Variants in ANTXR1 observed in about 807,000 individuals in gnomAD.
ANTXR1 encodes anthrax toxin receptor 1.
Under a neutral mutation model 78.1 loss-of-function variants are expected in ANTXR1, and 19 were observed. The ratio of observed to expected loss-of-function variants is 0.24; its 90% CI spans 0.17 to 0.36. The LOEUF (loss-of-function observed/expected upper bound fraction) is 0.36. Among genes scored for constraint, ANTXR1 ranks in the 10% least tolerant of loss-of-function variants. The pLI, the probability that ANTXR1 is intolerant of heterozygous loss-of-function variation, is 1.00. For synonymous variants in ANTXR1, 273 were observed against 260.5 expected (o/e 1.05, Z -0.46); for missense variants, 518 against 718.6 (o/e 0.72, Z 3.19).
intron 8 of ANTXR1, among the ~76,000 whole-genome samples, chr2:69,084,563 T>A (rs912238457): frequency 2.6e-5 from 4 of 151,850 alleles, no homozygotes; most frequent in African/African-American, 9.7e-5. Context: ...AATACGTGTG[T>A]ATAATATTCC....
At chr2:69,095,476 G>T (rs117153224) in intron 9 of ANTXR1, among the ~76,000 whole-genome samples, 1 of 152,222 alleles carries the variant, frequency 6.6e-6, no homozygotes, top group Non-Finnish European at 1.5e-5. Context: ...ATGCCTGTGC[G>T]ATGAGGAAAT....
chr2:69,193,462 CAT>C lies in ANTXR1; in HGVS notation c.1434+49_1434+50del, dbSNP rs551544487. ...ATGGTGTCTCTCTCTCTCTCTCTCA[CAT>C]ACACACACACACACACACACACACA... On this transcript the variant is annotated intron_variant, in intron 17 of 17. Coordinates refer to ENST00000303714, the MANE Select transcript of ANTXR1 (RefSeq NM_032208.3). 3.1e-3 allele frequency: 3,628 copies of C among 1,167,924 alleles called. 66 individuals are homozygous for C. The African/African-American group carries it at 0.046, about 15-fold the overall frequency. 72.3% of individuals were successfully genotyped at this position (1,167,924 alleles called of 1,614,324 possible). A position where few individuals can be genotyped will look rare whatever the true frequency, so the allele number is the denominator to read the frequency against.
chr2:69,013,339 C>G lies in ANTXR1; in HGVS notation c.-161C>G. The stretch of plus-strand genomic sequence containing the variant: ...ATCGGAGCGGAAACCAGAGGGGAAA[C>G]CTTGAACTCCTCCAGACAATTGCTT... On this transcript the variant is annotated 5_prime_UTR_variant, in exon 1 of 18. Transcript: ENST00000303714. The surrounding 1 kb of genome is among the most constrained non-coding windows in gnomAD (Gnocchi z 5.0). 2.0e-6 allele frequency: 2 copies of G among 981,720 alleles called. No homozygotes were observed. The highest frequency in any genetic ancestry group is 1.6e-5 in the African/African-American group (1 of 62,540). The allele number at this position is 981,720 out of a possible 1,614,324, so 60.8% of individuals were successfully genotyped here. A position where few individuals can be genotyped will look rare whatever the true frequency, so the allele number is the denominator to read the frequency against.
At chr2:69,172,309 G>A (rs527889318) in intron 14 of ANTXR1, 106 of 1,428,130 alleles carry the variant, frequency 7.4e-5, no homozygotes, top group Middle Eastern at 1.7e-4. Context: ...TTGCCTTAGC[G>A]TGTGTGTTGG....
chr2:69,016,635 C>T (rs767148609), intron 1 of ANTXR1, among the ~76,000 whole-genome samples: 13 of 152,280 alleles, frequency 8.5e-5, no homozygotes, highest in Middle Eastern at 3.4e-3. Context: ...ACGTCATCTG[C>T]GTTATGATTC....
At chr2:69,171,416 A>G (rs185793546) in intron 14 of ANTXR1, among the ~76,000 whole-genome samples, 5 of 152,366 alleles carry the variant, frequency 3.3e-5, no homozygotes, top group Non-Finnish European at 7.3e-5. Flanking sequence ...CCTTCAAGAG[A>G]AAGTACCGTG....
At chr2:69,104,689 G>C (rs1274507557) in intron 10 of ANTXR1, among the ~76,000 whole-genome samples, 1 of 152,138 alleles carries the variant, frequency 6.6e-6, no homozygotes, top group Non-Finnish European at 1.5e-5. Context: ...AAACAAGCAG[G>C]CTTTCAGGCC....
intron 17 of ANTXR1, among the ~76,000 whole-genome samples, chr2:69,231,384 C>G (rs575078656): frequency 2.0e-4 from 30 of 151,522 alleles, no homozygotes; most frequent in Non-Finnish European, 3.8e-4. Flanking sequence ...AAGCACAGAT[C>G]GGGATCCTTC....
At chr2:69,015,981 T>C (rs561691334) in intron 1 of ANTXR1, among the ~76,000 whole-genome samples, 2 of 152,158 alleles carry the variant, frequency 1.3e-5, no homozygotes, top group Non-Finnish European at 2.9e-5. Flanking sequence ...AATCAAACAA[T>C]ATGATTTTTA....
rs574825922 is a variant in ANTXR1 at position 69,246,950 on chromosome 2, T to C, written c.*1465T>C. ...GGAACAAGGCAGAATATAAAATAAA[T>C]ATACATTTAGTGGCTTGGGCTATGG... On this transcript the variant is annotated 3_prime_UTR_variant, in exon 18 of 18. Transcript: ENST00000303714. The C allele has an allele frequency of 6.6e-6, 1 of 152,252 alleles. No individual in the cohort carries two copies. Among genetic ancestry groups the C allele is most frequent in the African/African-American group, 2.4e-5 (1 of 41,524 alleles). The allele number at this position is 152,252 out of a possible 1,614,324, so 9.4% of individuals were successfully genotyped here. A position where few individuals can be genotyped will look rare whatever the true frequency, so the allele number is the denominator to read the frequency against.
chr2:69,226,462 C>T (rs1027370995), intron 17 of ANTXR1, among the ~76,000 whole-genome samples: 1 of 152,056 alleles, frequency 6.6e-6, no homozygotes, highest in African/African-American at 2.4e-5. Flanking sequence ...TTCCAAAGGC[C>T]TCATCAAGCG....
chr2:69,047,411 A>G (rs768928843), intron 3 of ANTXR1, among the ~76,000 whole-genome samples: 6 of 152,010 alleles, frequency 3.9e-5, no homozygotes, highest in Non-Finnish European at 7.4e-5. Flanking sequence ...AACCATTGTT[A>G]CTCTATTTTC....
At chr2:69,037,617 A>G (rs13394759) in intron 1 of ANTXR1, among the ~76,000 whole-genome samples, 45,674 of 151,818 alleles carry the variant, frequency 0.3, 12,137 homozygotes, top group African/African-American at 0.68. Flanking sequence ...TTACAGGCAT[A>G]CGCCACCATG....
chr2:69,182,079 T>C (rs1403754352), intron 15 of ANTXR1, 198 bp downstream of exon 15: 2 of 621,560 alleles, frequency 3.2e-6, no homozygotes, highest in Non-Finnish European at 5.8e-6. Flanking sequence ...GGATATGGAT[T>C]GTAAGGCAGA....
At chr2:69,182,840 T>G (rs560976748) in intron 16 of ANTXR1, 180 bp downstream of exon 16, 1 of 806,526 alleles carries the variant, frequency 1.2e-6, no homozygotes, top group Non-Finnish European at 2.0e-6. Flanking sequence ...TTCCACATAA[T>G]CTGGGTTGAA....
intron 17 of ANTXR1, among the ~76,000 whole-genome samples, chr2:69,222,338 A>G (rs1675339308): frequency 1.3e-5 from 2 of 152,130 alleles, no homozygotes; most frequent in African/African-American, 2.4e-5. Flanking sequence ...TGAACCTTTA[A>G]AAGTGAAAAA....
chr2:69,076,010 G>A (rs1169817478), intron 7 of ANTXR1, among the ~76,000 whole-genome samples: 1 of 152,104 alleles, frequency 6.6e-6, no homozygotes, highest in Non-Finnish European at 1.5e-5. Context: ...ACAGTGAGCT[G>A]TCTCAGCCCA....
intron 1 of ANTXR1, among the ~76,000 whole-genome samples, chr2:69,030,471 T>G (rs1041658831): frequency 6.6e-6 from 1 of 152,156 alleles, no homozygotes; most frequent in African/African-American, 2.4e-5. Flanking sequence ...GTTAAAAAAC[T>G]AACAGTATAG....
intron 17 of ANTXR1, among the ~76,000 whole-genome samples, chr2:69,215,181 C>A (rs1410265295): frequency 4.6e-5 from 7 of 152,192 alleles, no homozygotes; most frequent in African/African-American, 1.4e-4. Flanking sequence ...TCCAAGTAGC[C>A]CCATGGGGAC....
Sources: allele counts gnomAD v4.1 joint callset (sites outside exome capture counted in the v4.1 genomes callset), GRCh38; gene constraint gnomAD v4.1.1; non-coding constraint Gnocchi (gnomAD v3.1); transcripts MANE v1.5; gene names NCBI Gene and HGNC (gene_info 2026-07-23, HGNC 2026-07-21).